Variants in PHIP observed in about 807,000 individuals in gnomAD.
The protein encoded by PHIP is PH-interacting protein.
A neutral mutation model predicts 236.8 loss-of-function variants in PHIP; 54 were observed. The ratio of observed to expected loss-of-function variants is 0.23; its 90% CI spans 0.18 to 0.29. The LOEUF (loss-of-function observed/expected upper bound fraction) is 0.29. PHIP is among the 10% of genes least tolerant of loss of function. The pLI is 1.00. For missense variants in PHIP, 1,370 were observed against 2,190.8 expected, an observed-to-expected ratio of 0.63 and a Z score of 7.48; for synonymous variants, 756 against 718.9, an observed-to-expected ratio of 1.05 and a Z score of -0.83.
intron 7 of PHIP, among the ~76,000 whole-genome samples, chr6:79,034,047 G>T (rs1483653775): frequency 6.6e-6 from 1 of 152,042 alleles, no homozygotes; most frequent in Non-Finnish European, 1.5e-5. Context: ...ACTTACAATA[G>T]GAACATCAGA....
chr6:78,969,430 TATG>T (rs1767374162), intron 27 of PHIP, among the ~76,000 whole-genome samples: 1 of 152,236 alleles, frequency 6.6e-6, no homozygotes, highest in African/African-American at 2.4e-5. Context: ...GAGACTTGTT[TATG>T]ATACTAATTT....
intron 23 of PHIP, among the ~76,000 whole-genome samples, 187 bp from the exon 24 acceptor site, chr6:78,978,898 A>G (rs996907403): frequency 6.6e-6 from 1 of 152,102 alleles, no homozygotes; most frequent in African/African-American, 2.4e-5. Flanking sequence ...CCTTGACTGA[A>G]AATATTTGGA....
intron 31 of PHIP, 84 bp from the exon 32 acceptor site, chr6:78,958,684 T>G: frequency 1.2e-6 from 1 of 837,536 alleles, no homozygotes; most frequent in African/African-American, 1.7e-5. Context: ...CATTCCAACT[T>G]TTCAACTTCA....
chr6:78,973,965 A>C (rs1193913907), intron 24 of PHIP, among the ~76,000 whole-genome samples: 2 of 152,080 alleles, frequency 1.3e-5, no homozygotes, highest in Non-Finnish European at 2.9e-5. Context: ...TAGACAGATC[A>C]ACGAGACAGA....
At chr6:79,070,514 C>T (rs1773830215) in intron 4 of PHIP, among the ~76,000 whole-genome samples, 1 of 152,112 alleles carries the variant, frequency 6.6e-6, no homozygotes, top group African/African-American at 2.4e-5. Flanking sequence ...GAGTCAAACA[C>T]AAGGTATGTA....
intron 30 of PHIP, 118 bp downstream of exon 30, chr6:78,962,977 ATG>A (rs1367713798): frequency 1.3e-6 from 1 of 744,740 alleles, no homozygotes; most frequent in African/African-American, 1.8e-5. Context: ...TCCACTTAAA[ATG>A]TCTGAAACCA....
At chr6:79,053,688 T>C (rs1366491689) in intron 6 of PHIP, among the ~76,000 whole-genome samples, 2 of 152,136 alleles carry the variant, frequency 1.3e-5, no homozygotes, top group Admixed American at 1.3e-4. Flanking sequence ...AAATAAAAAG[T>C]CATGACCTTA....
intron 23 of PHIP, among the ~76,000 whole-genome samples, chr6:78,978,977 C>T (rs1415347258): frequency 6.6e-6 from 1 of 151,974 alleles, no homozygotes; most frequent in African/African-American, 2.4e-5. Context: ...ATGTTGAATC[C>T]ACACAAATAA....
intron 15 of PHIP, among the ~76,000 whole-genome samples, chr6:79,014,344 T>C (rs1181842264): frequency 6.6e-6 from 1 of 151,836 alleles, no homozygotes; most frequent in South Asian, 2.1e-4. Context: ...ATTTCTATAA[T>C]TGGTTTTTTA....
chr6:78,983,221 A>G (rs901366931), intron 22 of PHIP, 104 bp from the exon 23 acceptor site: 2 of 552,902 alleles, frequency 3.6e-6, no homozygotes, highest in Admixed American at 3.4e-5. Context: ...ATGACAGAAC[A>G]AATACTTAAA....
chr6:78,947,231 G>A (rs543466600), intron 36 of PHIP, among the ~76,000 whole-genome samples: 7 of 152,070 alleles, frequency 4.6e-5, no homozygotes, highest in African/African-American at 4.8e-5. Context: ...TTCTCATTTC[G>A]TTGCTATATA....
At chr6:79,017,412 A>G in intron 11 of PHIP, 26 bp from the exon 12 acceptor site, 1 of 1,589,566 alleles carries the variant, frequency 6.3e-7, no homozygotes, top group African/African-American at 1.3e-5. Flanking sequence ...TAAACAAAAA[A>G]GTGGGTGCTG....
rs7742431 is a variant in PHIP at position 78,969,860 on chromosome 6, A to G, written c.3180T>C (p.Asp1060=). 0.51 allele frequency: 799,136 copies of G among 1,575,178 alleles called. 205,647 individuals are homozygous for G. The highest frequency in any genetic ancestry group is 0.68 in the East Asian group (30,117 of 44,518). ...DFLVLRQQFD[D]AKYRRWNIGD... ...CTATATTCCATCGCCTGTATTTTGC[A>G]TCATCAAATTGTTGTCTCAAGACTA... Residue 1060 remains aspartate, a synonymous_variant, in exon 27 of 40, where the codon GAT becomes GAC. Coordinates refer to ENST00000275034, the MANE Select transcript of PHIP (RefSeq NM_017934.7).
intron 37 of PHIP, 45 bp from the exon 38 acceptor site, chr6:78,946,305 G>A (rs745414710): frequency 1.3e-6 from 2 of 1,540,282 alleles, no homozygotes; most frequent in Non-Finnish European, 1.8e-6. Context: ...AGCTCTATGT[G>A]AACGAATAAA....
Position 78,940,559 on chromosome 6 carries a change from T to TTGTTTGTTTTG in PHIP, c.*133_*134insCAAAACAAACA. The TTGTTTGTTTTG allele has an allele frequency of 5.5e-6, 1 of 180,450 alleles. No homozygotes were observed. Among genetic ancestry groups the TTGTTTGTTTTG allele is most frequent in the East Asian group, 1.3e-4 (1 of 7,958 alleles). 11.2% of individuals were successfully genotyped at this position (180,450 alleles called of 1,614,324 possible). A position where few individuals can be genotyped will look rare whatever the true frequency, so the allele number is the denominator to read the frequency against. ...TGTCTCGTAAGTTTGTTTTTTTTTT[T>TTGTTTGTTTTG]TTTTTTTTTTTTGCAAATCAAATCA... is the stretch of plus-strand genomic sequence containing the variant. On this transcript the variant is annotated 3_prime_UTR_variant, in exon 40 of 40. Transcript: ENST00000275034.
At chr6:79,051,405 G>C (rs1025014420) in intron 6 of PHIP, among the ~76,000 whole-genome samples, 1 of 152,106 alleles carries the variant, frequency 6.6e-6, no homozygotes, top group Non-Finnish European at 1.5e-5. Flanking sequence ...CAGGTATTGG[G>C]AATAGAAGAG....
chr6:79,001,097 G>A (rs1258990483), intron 17 of PHIP, among the ~76,000 whole-genome samples: 2 of 152,050 alleles, frequency 1.3e-5, no homozygotes, highest in Non-Finnish European at 2.9e-5. Context: ...GTCGATTGAA[G>A]TCTAGAACTT....
intron 27 of PHIP, among the ~76,000 whole-genome samples, 182 bp from the exon 28 acceptor site, chr6:78,966,238 T>C (rs1767119722): frequency 6.6e-6 from 1 of 152,236 alleles, no homozygotes; most frequent in Non-Finnish European, 1.5e-5. Flanking sequence ...AGGAATTTAG[T>C]AAGCATACTT....
chr6:79,060,936 GTAAAGTAAATCTCC>G (rs1292137290), intron 4 of PHIP, 118 bp from the exon 5 acceptor site: 2 of 617,012 alleles, frequency 3.2e-6, no homozygotes, highest in Non-Finnish European at 2.7e-6. Context: ...CGTCTTTGAT[GTAAAGTAAATCTCC>G]AGAATAATTA....
Sources: gnomAD v4.1 joint callset for allele counts (sites outside exome capture counted in the v4.1 genomes callset) on GRCh38, gnomAD v4.1.1 for gene constraint, MANE v1.5 for transcripts, NCBI Gene and HGNC (gene_info 2026-07-23, HGNC 2026-07-21) for gene names.